EFCAB11: variants seen among roughly 807,000 people sequenced by gnomAD.
The protein encoded by EFCAB11 is EF-hand calcium binding domain 11.
A neutral mutation model predicts 23.0 loss-of-function variants in EFCAB11; 14 were observed. The ratio of observed to expected loss-of-function variants is 0.61; its 90% CI spans 0.40 to 0.95. The LOEUF (loss-of-function observed/expected upper bound fraction) is 0.95, where lower values mean the gene tolerates loss of function less well. EFCAB11 is among the 40% of genes least tolerant of loss of function. EFCAB11 has a pLI of 0.00. For missense variants in EFCAB11, 198 were observed against 195.8 expected, an observed-to-expected ratio of 1.01 and a Z score of -0.07; for synonymous variants, 65 against 66.6, an observed-to-expected ratio of 0.98 and a Z score of 0.11.
At chr14:89,874,908 T>C (rs769702644) in intron 5 of EFCAB11, among the ~76,000 whole-genome samples, 12 of 151,700 alleles carry the variant, frequency 7.9e-5, no homozygotes, top group South Asian at 6.2e-4. Context: ...AAAAAAGTAC[T>C]CAAGTCACCT....
At chr14:89,827,785 C>T (rs1886749584) in intron 5 of EFCAB11, among the ~76,000 whole-genome samples, 1 of 152,016 alleles carries the variant, frequency 6.6e-6, no homozygotes, top group Non-Finnish European at 1.5e-5. Context: ...AGGCATGTGC[C>T]ACCATGCCCC....
intron 5 of EFCAB11, among the ~76,000 whole-genome samples, chr14:89,861,412 C>G (rs1887915330): frequency 6.6e-6 from 1 of 152,142 alleles, no homozygotes; most frequent in Admixed American, 6.5e-5. Flanking sequence ...GAAACAAGAC[C>G]TCATCACTTA....
Position 89,947,944 on chromosome 14 carries a change from A to G in EFCAB11, c.217+2153T>C, listed in dbSNP as rs192043959. Among the ~76,000 whole-genome samples the G allele has an allele frequency of 8.8e-4, 133 of 151,898 alleles. 1 individual carries two copies. The highest frequency in any genetic ancestry group is 2.1e-3 in the African/African-American group (86 of 41,378). On this transcript the variant is annotated intron_variant, in intron 3 of 5. Transcript: ENST00000316738. ...AACTAACACTTCTCAAACATACTCAAAATTGAGCTCTTAGTCTCCCTCACC... is the reference window on the plus strand; with the variant it reads ...AACTAACACTTCTCAAACATACTCAGAATTGAGCTCTTAGTCTCCCTCACC...
intron 5 of EFCAB11, among the ~76,000 whole-genome samples, chr14:89,904,139 C>A (rs561853615): frequency 6.6e-6 from 1 of 152,070 alleles, no homozygotes; most frequent in Non-Finnish European, 1.5e-5. Flanking sequence ...CACCCTACCC[C>A]CTGACCGGCC....
chr14:89,936,485 T>C (rs374901222), intron 3 of EFCAB11, among the ~76,000 whole-genome samples: 1 of 152,160 alleles, frequency 6.6e-6, no homozygotes. Context: ...ATAACAAAAA[T>C]TACTCCGTAT....
Position 89,898,337 on chromosome 14 carries a change from T to C in EFCAB11, c.410+33204A>G, listed in dbSNP as rs796584150. 4.0e-5 allele frequency among the ~76,000 whole-genome samples: 6 copies of C among 151,620 alleles called. No individual in the cohort carries two copies. In the South Asian group the frequency reaches 1.0e-3, roughly 26 times the overall value. On this transcript the variant is annotated intron_variant, in intron 5 of 5. Coordinates refer to ENST00000316738, the MANE Select transcript of EFCAB11 (RefSeq NM_145231.4). The stretch of plus-strand genomic sequence containing the variant: ...ATGAAGAATTAGCAAAATCATGATG[T>C]GATTTTCTTTTTCTCGTTTTTGTTT...
At chr14:89,875,958 C>A (rs1888424497) in intron 5 of EFCAB11, among the ~76,000 whole-genome samples, 1 of 152,072 alleles carries the variant, frequency 6.6e-6, no homozygotes, top group South Asian at 2.1e-4. Context: ...GTGTCAGATG[C>A]CAATGGAAAA....
intron 5 of EFCAB11, among the ~76,000 whole-genome samples, chr14:89,895,160 G>A (rs992949164): frequency 1.7e-4 from 26 of 152,258 alleles, no homozygotes; most frequent in African/African-American, 5.8e-4. Flanking sequence ...GAAATACAGC[G>A]TAAGTGAAAA....
At chr14:89,917,235 C>T (rs540966905) in intron 5 of EFCAB11, among the ~76,000 whole-genome samples, 25 of 152,070 alleles carry the variant, frequency 1.6e-4, no homozygotes, top group South Asian at 6.2e-4. Flanking sequence ...ATCCTCTGAC[C>T]GACATCTCCC....
intron 5 of EFCAB11, among the ~76,000 whole-genome samples, chr14:89,843,302 T>A (rs887935356): frequency 6.6e-6 from 1 of 152,234 alleles, no homozygotes; most frequent in Non-Finnish European, 1.5e-5. Flanking sequence ...TAATTCATTT[T>A]AAAATAAGTT....
intron 5 of EFCAB11, among the ~76,000 whole-genome samples, chr14:89,918,313 T>C (rs975236449): frequency 6.6e-6 from 1 of 151,928 alleles, no homozygotes; most frequent in African/African-American, 2.4e-5. Context: ...CCAAGGCAGG[T>C]GGATCACCTG....
chr14:89,876,162 T>C (rs1888431925), intron 5 of EFCAB11, among the ~76,000 whole-genome samples: 1 of 152,160 alleles, frequency 6.6e-6, no homozygotes, highest in Admixed American at 6.5e-5. Context: ...ACAAGCAGAC[T>C]ACTTTTCCCA....
chr14:89,858,656 ATTTTT>A lies in EFCAB11; in HGVS notation c.411-61337_411-61333del, dbSNP rs10648464. Among the ~76,000 whole-genome samples the A allele has an allele frequency of 7.9e-4, 70 of 89,014 alleles. No individual in the cohort carries two copies. The East Asian group carries it at 0.014, about 18-fold the overall frequency. 58.4% of individuals were successfully genotyped at this position (89,014 alleles called of 152,430 possible). A position where few individuals can be genotyped will look rare whatever the true frequency, so the allele number is the denominator to read the frequency against. On this transcript the variant is annotated intron_variant, in intron 5 of 5. Transcript: ENST00000316738. ...AGGTGTGCATCACCACACCCAGCTA[ATTTTT>A]TTTTTTTTTTTTTTTTTTTGTAGAG...
intron 5 of EFCAB11, among the ~76,000 whole-genome samples, chr14:89,861,872 T>C (rs952834426): frequency 3.9e-5 from 6 of 152,318 alleles, no homozygotes; most frequent in Admixed American, 2.6e-4. Flanking sequence ...CCTCTAGAAC[T>C]GTGAGAAATA....
intron 3 of EFCAB11, 34 bp downstream of exon 3, chr14:89,950,063 A>G: frequency 6.6e-7 from 1 of 1,508,332 alleles, no homozygotes; most frequent in Non-Finnish European, 9.0e-7. Flanking sequence ...TGTCTAAATA[A>G]GGTACTAAAA....
rs531822057 is a variant in EFCAB11 at position 89,876,311 on chromosome 14, G to T, written c.410+55230C>A. ...ATGTTTCCGTTAAACAGATGAGGCT[G>T]TATTTAGATCACATCCTAAGGTCAG... On this transcript the variant is annotated intron_variant, in intron 5 of 5. Transcript: ENST00000316738. Among the ~76,000 whole-genome samples the T allele has an allele frequency of 1.1e-4, 16 of 152,252 alleles. No individual in the cohort carries two copies. The South Asian group carries it at 2.3e-3, about 22-fold the overall frequency.
chr14:89,866,246 G>T (rs1471763249), intron 5 of EFCAB11, among the ~76,000 whole-genome samples: 1 of 152,214 alleles, frequency 6.6e-6, no homozygotes, highest in African/African-American at 2.4e-5. Context: ...ACCCCTAAAT[G>T]ACACCGTATG....
intron 5 of EFCAB11, among the ~76,000 whole-genome samples, chr14:89,927,054 A>C (rs985353499): frequency 2.6e-5 from 4 of 151,760 alleles, no homozygotes; most frequent in Admixed American, 2.6e-4. Flanking sequence ...GCAACAATTC[A>C]CAAACCTTAC....
At position 89,927,414 on chromosome 14, in the gene EFCAB11, C is replaced by T. The variant is rs190550354; in HGVS notation, c.410+4127G>A. On this transcript the variant is annotated intron_variant, in intron 5 of 5. Coordinates refer to ENST00000316738, the MANE Select transcript of EFCAB11 (RefSeq NM_145231.4). Reference sequence around the variant, plus strand: ...CTAGCTGCCTTCTCCTAGTGCTTTTCAGAGATCAGCTTTTTTTCTGGACCT... The same window carrying T: ...CTAGCTGCCTTCTCCTAGTGCTTTTTAGAGATCAGCTTTTTTTCTGGACCT... 2.1e-3 allele frequency among the ~76,000 whole-genome samples: 317 copies of T among 152,306 alleles called. 3 individuals are homozygous for T. Among genetic ancestry groups the T allele is most frequent in the Non-Finnish European group, 3.9e-3 (267 of 68,026 alleles).
Sources: gnomAD v4.1 joint callset for allele counts (sites outside exome capture counted in the v4.1 genomes callset) on GRCh38, gnomAD v4.1.1 for gene constraint, MANE v1.5 for transcripts, NCBI Gene and HGNC (gene_info 2026-07-23, HGNC 2026-07-21) for gene names.